The following TSC2 variants were observed in gnomAD, a reference collection of about 807,000 sequenced individuals.
The protein encoded by TSC2 is tuberin.
A neutral mutation model predicts 202.2 loss-of-function variants in TSC2; 29 were observed. That is an observed-to-expected ratio of 0.14 (90% confidence interval 0.11 to 0.20). TSC2 has a LOEUF of 0.20. Among genes scored for constraint, TSC2 ranks in the 10% least tolerant of loss-of-function variants. The pLI is 1.00. For synonymous variants in TSC2, 1,349 were observed against 1,044.0 expected (o/e 1.29, Z -5.63); for missense variants, 2,429 against 2,420.0 (o/e 1.00, Z -0.08).
rs1042693972 is a variant in TSC2 at position 2,048,202 on chromosome 16, A to C, written c.-30+137A>C. On this transcript the variant is annotated intron_variant, in intron 1 of 41. Transcript: ENST00000219476. ...GACTCCGGAGCTCCGAGCATCCCTT[A>C]GTTTTAAGTCATGGCGGGTGCGAAC... 8.2e-5 allele frequency: 125 copies of C among 1,526,176 alleles called. No individual in the cohort carries two copies. In the South Asian group the frequency reaches 8.7e-4, roughly 11 times the overall value. The allele number at this position is 1,526,176 out of a possible 1,614,324, so 94.5% of individuals were successfully genotyped here.
At chr16:2,071,351 C>G (rs1017973419) in intron 17 of TSC2, 159 bp from the exon 18 acceptor site, 3 of 742,472 alleles carry the variant, frequency 4.0e-6, no homozygotes, top group South Asian at 1.5e-5. Context: ...GTCACCAGGA[C>G]AGAGCCTGTG....
chr16:2,059,984 C>G (rs1036539500), intron 10 of TSC2, among the ~76,000 whole-genome samples: 1 of 152,166 alleles, frequency 6.6e-6, no homozygotes, highest in African/African-American at 2.4e-5. Context: ...CTCAAGCAAA[C>G]CTTACATCTT....
In TSC2 at chr16:2,079,693, C is replaced by G; in HGVS notation, c.3397+24C>G. ...GGGTGAGCCTTGGCCCCAGCCACCT[C>G]CACACAGGCACCGGGGCTCCCTCAG... On this transcript the variant is annotated intron_variant, in intron 29 of 41. Transcript: ENST00000219476. This position sits in a 1 kb window ranked among gnomAD's most constrained non-coding sequence, Gnocchi z 4.6. 1 of 1,558,184 alleles carries G rather than the reference C, an allele frequency of 6.4e-7. No homozygotes were observed. Among genetic ancestry groups the G allele is most frequent in the Non-Finnish European group, 8.7e-7 (1 of 1,151,720 alleles).
Position 2,086,284 on chromosome 16 carries a change from A to G in TSC2, c.4754A>G (p.Lys1585Arg), listed in dbSNP as rs780758839. 1 of 1,612,898 alleles carries G rather than the reference A, an allele frequency of 6.2e-7. No individual in the cohort carries two copies. Among genetic ancestry groups the G allele is most frequent in the Non-Finnish European group, 8.5e-7 (1 of 1,179,952 alleles). Residue 1585 changes from lysine (K) to arginine (R), a missense_variant, in exon 37 of 42, where the codon AAG becomes AGG. By Grantham distance (26) the Lys-to-Arg change is conservative. Transcript: ENST00000219476. ...GGCCTGGGCCGGCTCATCGAGCTGA[A>G]GGACTGCCAGCCGGACAAGGTGTAC... is the stretch of plus-strand genomic sequence containing the variant. ...LTGLGRLIEL[K>R]DCQPDKVYLG...
rs1225889890 is a variant in TSC2 at position 2,088,153 on chromosome 16, G to C, written c.5160+14G>C. The C allele has an allele frequency of 6.2e-7, 1 of 1,612,882 alleles. No homozygotes were observed. The highest frequency in any genetic ancestry group is 8.5e-7 in the Non-Finnish European group (1 of 1,180,000). On this transcript the variant is annotated intron_variant, in intron 40 of 41. Transcript: ENST00000219476. ...CTGCACGCAAATGTGAGTGGGGGTG[G>C]GTCCAGGCGTGAGCTGGTGGGACAG...
At position 2,064,685 on chromosome 16, in the gene TSC2, T is replaced by G. The variant is rs1305536053; in HGVS notation, c.1599+258T>G. ...TGGGCTGGGCCTCCTGGACCGACGC[T>G]GGAGCCCAGACCTGGGGCTGGGGCT... On this transcript the variant is annotated intron_variant, in intron 15 of 41. Coordinates refer to ENST00000219476, the MANE Select transcript of TSC2 (RefSeq NM_000548.5). The G allele has an allele frequency of 5.3e-6, 3 of 567,544 alleles. No homozygotes were observed. The East Asian group carries it at 9.3e-5, about 18-fold the overall frequency. The allele number at this position is 567,544 out of a possible 1,614,324, so 35.2% of individuals were successfully genotyped here.
At position 2,065,557 on chromosome 16, in the gene TSC2, A is replaced by G; in HGVS notation, c.1638A>G (p.Glu546=). ...ARSLSPPPEL[E]ERDVAAYSAS... is the part of the protein sequence containing the mutation. ...CCCTCTCCCCACCCCCGGAGCTGGAAGAAAGGGATGTGGCCGCATACTCGG... is the reference window on the plus strand; with the variant it reads ...CCCTCTCCCCACCCCCGGAGCTGGAGGAAAGGGATGTGGCCGCATACTCGG... The change falls in exon 16 of 42, where the codon GAA becomes GAG. Residue 546 remains glutamate (E), a synonymous_variant. Transcript: ENST00000219476. 6.2e-7 allele frequency: 1 copy of G among 1,613,802 alleles called. No individual in the cohort carries two copies. Among genetic ancestry groups the G allele is most frequent in the Non-Finnish European group, 8.5e-7 (1 of 1,179,996 alleles).
intron 11 of TSC2, chr16:2,061,229 A>G (rs2074969): frequency 0.48 from 150,194 of 314,410 alleles, 39,100 homozygotes; most frequent in East Asian, 0.81. Flanking sequence ...ACACGGGCTC[A>G]TCAGCATAGG....
intron 22 of TSC2, 36 bp from the exon 23 acceptor site, chr16:2,075,763 C>T (rs1441219509): frequency 1.9e-6 from 3 of 1,605,296 alleles, no homozygotes; most frequent in African/African-American, 2.7e-5. Context: ...CTGCACGGGA[C>T]CCCGGCTCCC....
chr16:2,084,199 G>T, intron 33 of TSC2, 29 bp from the exon 34 acceptor site: 13 of 1,558,566 alleles, frequency 8.3e-6, no homozygotes, highest in Non-Finnish European at 1.0e-5. Flanking sequence ...CCTGCTGACA[G>T]GGGTTCTCTT....
rs1555513920 is a variant in TSC2 at position 2,084,291 on chromosome 16, A to C, written c.4069A>C (p.Ile1357Leu). ...LHAEELVGRG[I>L]PIERVVSSEG... ...CGCGGAGGAGCTGGTTGGCAGGGGC[A>C]TCCCCATCGAGCGAGTCGTCTCCTC... is the stretch of plus-strand genomic sequence containing the variant. The change falls in exon 34 of 42, where the codon ATC becomes CTC. Residue 1357 changes from isoleucine to leucine, a missense_variant. Transcript: ENST00000219476. The C allele has an allele frequency of 1.4e-5, 22 of 1,612,502 alleles. No homozygotes were observed. In the East Asian group the frequency reaches 4.9e-4, roughly 36 times the overall value.
rs1328588034 is a variant in TSC2 at position 2,058,852 on chromosome 16, T to A, written c.954T>A (p.Ser318=). The A allele has an allele frequency of 6.2e-7, 1 of 1,608,348 alleles. No homozygotes were observed. Among genetic ancestry groups the A allele is most frequent in the Non-Finnish European group, 8.5e-7 (1 of 1,177,440 alleles). Residue 318 remains serine, a synonymous_variant, in exon 10 of 42, where the codon TCT becomes TCA. Transcript: ENST00000219476. Reference sequence around the variant, plus strand: ...ATTCTCTCAGGAACTCGCCGACATCTGTGTTGCCATCATTTTACCAGGTAA... The same window carrying A: ...ATTCTCTCAGGAACTCGCCGACATCAGTGTTGCCATCATTTTACCAGGTAA... The part of the protein sequence containing the change: ...RLYSLRNSPT[S]VLPSFYQAMA...
In TSC2 at chr16:2,072,294, G is replaced by T. The variant is rs2151317395; in HGVS notation, c.2151G>T (p.Leu717=). The T allele has an allele frequency of 6.2e-7, 1 of 1,614,154 alleles. No homozygotes were observed. The highest frequency in any genetic ancestry group is 1.1e-5 in the South Asian group (1 of 91,088). ...TTCTGGGCAGGCTGCCTGAGTCCCT[G>T]CGCTATAAAGTGCTCATCTTTACTT... ...KLVLGRLPES[L]RYKVLIFTSP... is the part of the protein sequence containing the mutation. The change falls in exon 20 of 42, where the codon CTG becomes CTT. Residue 717 remains leucine (L), a synonymous_variant. Coordinates refer to ENST00000219476, the MANE Select transcript of TSC2 (RefSeq NM_000548.5).
chr16:2,061,875 T>C lies in TSC2; in HGVS notation c.1124T>C (p.Leu375Ser), dbSNP rs567252346. 1 of 1,614,088 alleles carries C rather than the reference T, an allele frequency of 6.2e-7. No homozygotes were observed. Among genetic ancestry groups the C allele is most frequent in the East Asian group, 2.2e-5 (1 of 44,884 alleles). The change falls in exon 12 of 42, where the codon TTG (leucine) becomes TCG (serine). Residue 375 changes from leucine (L) to serine (S), a missense_variant. Coordinates refer to ENST00000219476, the MANE Select transcript of TSC2 (RefSeq NM_000548.5). The part of the protein sequence containing the change: ...IERLLQQLQT[L>S]DSPELRTIVH... ...TCATCGTGCCTGGTACTGCAGACCT[T>C]GGACAGCCCGGAGCTCAGGACCATC...
chr16:2,071,374 T>G, intron 17 of TSC2, 136 bp from the exon 18 acceptor site: 2 of 795,084 alleles, frequency 2.5e-6, no homozygotes, highest in Non-Finnish European at 4.2e-6. Flanking sequence ...TGTGTTGGGA[T>G]GTGGGTGTGT....
chr16:2,088,512 G>C lies in TSC2; in HGVS notation c.5326G>C (p.Ala1776Pro), dbSNP rs2151639960. The C allele has an allele frequency of 6.2e-7, 1 of 1,612,662 alleles. No homozygotes were observed. ...PLVHPPSHSK[A>P]PAQTPAEPTP... ...GGTGCACCCTCCGTCCCATAGCAAA[G>C]CCCCTGCACAGACTCCAGCCGAGCC... is the stretch of plus-strand genomic sequence containing the variant. Residue 1776 changes from alanine to proline, a missense_variant, in exon 42 of 42, where the codon GCC (alanine) becomes CCC (proline). Transcript: ENST00000219476.
chr16:2,084,314 C>T lies in TSC2; in HGVS notation c.4092C>T (p.Ser1364=), dbSNP rs1251019267. 1 of 1,612,746 alleles carries T rather than the reference C, an allele frequency of 6.2e-7. No individual in the cohort carries two copies. The highest frequency in any genetic ancestry group is 1.7e-5 in the Admixed American group (1 of 60,022). The stretch of plus-strand genomic sequence containing the variant: ...GCATCCCCATCGAGCGAGTCGTCTC[C>T]TCGGAGGGTGGCCGGCCCTCTGTGG... ...GRGIPIERVV[S]SEGGRPSVDL... The change falls in exon 34 of 42, where the codon TCC becomes TCT. Residue 1364 remains serine (S), a synonymous_variant. Transcript: ENST00000219476.
At chr16:2,060,572 C>T in intron 10 of TSC2, 98 bp from the exon 11 acceptor site, 1 of 1,599,942 alleles carries the variant, frequency 6.3e-7, no homozygotes, top group Non-Finnish European at 8.5e-7. Flanking sequence ...GCACTGCGCG[C>T]TCAGGCGTGC....
chr16:2,052,154 C>G (rs2085205071), intron 3 of TSC2, among the ~76,000 whole-genome samples: 1 of 151,824 alleles, frequency 6.6e-6, no homozygotes, highest in African/African-American at 2.4e-5. Flanking sequence ...AAATAGGCCT[C>G]CGAGGCTGGG....
Sources: allele counts gnomAD v4.1 joint callset (sites outside exome capture counted in the v4.1 genomes callset), GRCh38; gene constraint gnomAD v4.1.1; non-coding constraint Gnocchi (gnomAD v3.1); transcripts MANE v1.5; gene names NCBI Gene and HGNC (gene_info 2026-07-23, HGNC 2026-07-21).